Variants in COL26A1 observed in about 807,000 individuals in gnomAD.
COL26A1 encodes the protein collagen type XXVI alpha 1 chain, also known as collagen alpha-1(XXVI) chain.
COL26A1 carries 41 observed loss-of-function variants against 59.3 expected under a neutral mutation model. The observed-to-expected ratio is 0.69, with a 90% CI of 0.54 to 0.90. The LOEUF is 0.90. COL26A1 is among the 40% of genes least tolerant of loss of function. COL26A1 has a pLI of 0.00. For synonymous variants in COL26A1, 266 were observed against 256.0 expected, an observed-to-expected ratio of 1.04 and a Z score of -0.37; for missense variants, 612 against 602.3, an observed-to-expected ratio of 1.02 and a Z score of -0.17.
At chr7:101,437,722 G>A (rs1293604009) in intron 2 of COL26A1, among the ~76,000 whole-genome samples, 1 of 150,864 alleles carries the variant, frequency 6.6e-6, no homozygotes, top group East Asian at 1.9e-4. Flanking sequence ...CTACAGGCAC[G>A]TGCCACTACA....
chr7:101,412,905 G>T (rs1012519611), intron 1 of COL26A1, among the ~76,000 whole-genome samples: 5 of 152,142 alleles, frequency 3.3e-5, no homozygotes, highest in Admixed American at 3.3e-4. Flanking sequence ...GGGCAATGGG[G>T]GGAAGAGGCT....
At chr7:101,393,006 GTT>G (rs11350670) in intron 1 of COL26A1, among the ~76,000 whole-genome samples, 89 of 129,310 alleles carry the variant, frequency 6.9e-4, no homozygotes, top group Non-Finnish European at 7.7e-4. Context: ...ATGTTTTTTT[GTT>G]TTTTTTTTTT....
At chr7:101,508,364 A>T (rs1430884349) in intron 3 of COL26A1, among the ~76,000 whole-genome samples, 1 of 152,096 alleles carries the variant, frequency 6.6e-6, no homozygotes, top group African/African-American at 2.4e-5. Flanking sequence ...TCTACAAAAA[A>T]TAGAAAAATC....
At chr7:101,452,638 G>T (rs6943584) in intron 3 of COL26A1, among the ~76,000 whole-genome samples, 1 of 151,956 alleles carries the variant, frequency 6.6e-6, no homozygotes, top group Non-Finnish European at 1.5e-5. Context: ...ATTGCTCTGG[G>T]CTACAAACCT....
At chr7:101,411,952 G>T (rs1442605499) in intron 1 of COL26A1, among the ~76,000 whole-genome samples, 1 of 152,088 alleles carries the variant, frequency 6.6e-6, no homozygotes, top group African/African-American at 2.4e-5. Flanking sequence ...CAAAACAAAA[G>T]AAAAAACAAA....
At chr7:101,461,991 G>A in intron 3 of COL26A1, among the ~76,000 whole-genome samples, 1 of 144,560 alleles carries the variant, frequency 6.9e-6, no homozygotes, top group South Asian at 2.2e-4. Flanking sequence ...TCTATCCACG[G>A]AGCACTTTTT....
In COL26A1 at chr7:101,454,906, G is replaced by A. The variant is rs948375538; in HGVS notation, c.385+7119G>A. 5.3e-5 allele frequency among the ~76,000 whole-genome samples: 8 copies of A among 152,090 alleles called. No individual in the cohort carries two copies. The East Asian group carries it at 7.7e-4, about 15-fold the overall frequency. On this transcript the variant is annotated intron_variant, in intron 3 of 12. Transcript: ENST00000313669. ...CAAAGGACCTAACCCTGTATTTCCC[G>A]TATAAGCAATGGTTCAGTATTCACT...
chr7:101,407,152 TC>T (rs200278816), intron 1 of COL26A1, among the ~76,000 whole-genome samples: 2,145 of 152,180 alleles, frequency 0.014, 46 homozygotes, highest in African/African-American at 0.049. Flanking sequence ...GGGCAGCTCT[TC>T]CTGGCAGCGG....
Position 101,547,170 on chromosome 7 carries a change from C to A in COL26A1, c.871C>A (p.Leu291Met). Residue 291 changes from leucine to methionine, a missense_variant, in exon 8 of 13, where the codon CTG becomes ATG. Physicochemically the swap from Leu to Met is conservative, Grantham distance 15 (BLOSUM62 2). Coordinates refer to ENST00000313669, the MANE Select transcript of COL26A1 (RefSeq NM_001278563.3). ...PTDKDNGDSR[L>M]ASAIVDTVLA... ...TCTTCCCACAGATGGAGACTCAAGG[C>A]TGGCCTCTGCCATCGTGGACACAGT... The A allele has an allele frequency of 2.5e-6, 4 of 1,596,616 alleles. No individual in the cohort carries two copies. Among genetic ancestry groups the A allele is most frequent in the Non-Finnish European group, 3.4e-6 (4 of 1,173,216 alleles).
At chr7:101,392,612 G>A (rs1178036605) in intron 1 of COL26A1, among the ~76,000 whole-genome samples, 5 of 151,898 alleles carry the variant, frequency 3.3e-5, no homozygotes, top group Non-Finnish European at 2.9e-5. Flanking sequence ...ACATTGGCCA[G>A]GCTAGTGTCA....
At chr7:101,398,464 T>C (rs1791910259) in intron 1 of COL26A1, among the ~76,000 whole-genome samples, 1 of 152,170 alleles carries the variant, frequency 6.6e-6, no homozygotes, top group African/African-American at 2.4e-5. Flanking sequence ...CTTATTGGGC[T>C]TATGGACATG....
chr7:101,446,802 G>A (rs536429347), intron 2 of COL26A1, among the ~76,000 whole-genome samples: 2 of 151,404 alleles, frequency 1.3e-5, no homozygotes, highest in African/African-American at 2.4e-5. Flanking sequence ...AGCCCAGATC[G>A]CGCCACTGCA....
intron 1 of COL26A1, among the ~76,000 whole-genome samples, chr7:101,402,660 TTC>T (rs374630832): frequency 0.58 from 64,254 of 110,678 alleles, 19,461 homozygotes; most frequent in Admixed American, 0.66. Context: ...CCTTCCTTCC[TTC>T]CCTCCCTCCC....
chr7:101,428,199 A>G (rs1007517231), intron 2 of COL26A1, among the ~76,000 whole-genome samples: 1 of 151,958 alleles, frequency 6.6e-6, no homozygotes, highest in Non-Finnish European at 1.5e-5. Context: ...CTCTACAAAA[A>G]TTTTAAAATT....
intron 3 of COL26A1, among the ~76,000 whole-genome samples, chr7:101,459,545 T>C (rs992585943): frequency 1.4e-5 from 2 of 147,992 alleles, no homozygotes; most frequent in Non-Finnish European, 3.0e-5. Context: ...CCTGACCTCA[T>C]GATCCTCCCA....
At chr7:101,420,138 C>T (rs887977488) in intron 2 of COL26A1, 39 bp downstream of exon 2, 10 of 1,606,108 alleles carry the variant, frequency 6.2e-6, no homozygotes, top group Middle Eastern at 1.8e-4. Flanking sequence ...CCCTTCCCTC[C>T]CATTCCCTCG....
intron 3 of COL26A1, among the ~76,000 whole-genome samples, chr7:101,449,943 A>T (rs1157250162): frequency 1.3e-5 from 2 of 151,864 alleles, no homozygotes; most frequent in Non-Finnish European, 2.9e-5. Context: ...GACCAACATG[A>T]TCAAACCCCA....
At position 101,539,367 on chromosome 7, in the gene COL26A1, G is replaced by A. The variant is rs1377486814; in HGVS notation, c.448-526G>A. On this transcript the variant is annotated intron_variant, in intron 4 of 12. Coordinates refer to ENST00000313669, the MANE Select transcript of COL26A1 (RefSeq NM_001278563.3). ...TTTCTCTCTCTCTCTTTTTGTAGAT[G>A]TGGTCTCGATCTGTCACCCAGGCTG... Among the ~76,000 whole-genome samples the A allele has an allele frequency of 3.3e-5, 5 of 150,768 alleles. No homozygotes were observed. The South Asian group carries it at 8.3e-4, about 25-fold the overall frequency.
chr7:101,462,967 G>A (rs1449909418), intron 3 of COL26A1, among the ~76,000 whole-genome samples: 2 of 152,132 alleles, frequency 1.3e-5, no homozygotes, highest in Admixed American at 6.6e-5. Flanking sequence ...AAAAGGAAAG[G>A]GGCCCAAGAA....
Sources: allele counts gnomAD v4.1 joint callset (sites outside exome capture counted in the v4.1 genomes callset), GRCh38; gene constraint gnomAD v4.1.1; transcripts MANE v1.5; gene names NCBI Gene and HGNC (gene_info 2026-07-23, HGNC 2026-07-21).